The following KIF13B variants were observed in gnomAD, a reference collection of about 807,000 sequenced individuals.
KIF13B encodes the protein kinesin family member 13B.
In KIF13B, 127 loss-of-function variants were observed where a neutral mutation model predicts 222.0. The observed-to-expected ratio is 0.57, with a 90% CI of 0.50 to 0.66. The LOEUF (loss-of-function observed/expected upper bound fraction) is 0.66. Among genes scored for constraint, KIF13B ranks in the 30% least tolerant of loss-of-function variants. The probability of loss-of-function intolerance (pLI) is 0.00; values close to 1 mark genes in which losing one functional copy is unlikely to be tolerated. For synonymous variants in KIF13B, 976 were observed against 919.0 expected (o/e 1.06, Z -1.12); for missense variants, 2,173 against 2,379.0 (o/e 0.91, Z 1.80).
At chr8:29,109,830 G>C (rs1437131612) in intron 33 of KIF13B, 88 bp downstream of exon 33, 7 of 1,282,530 alleles carry the variant, frequency 5.5e-6, no homozygotes, top group Admixed American at 2.2e-5. Context: ...AATGTTAGGT[G>C]CAACAACACT....
intron 3 of KIF13B, 26 bp from the exon 4 acceptor site, chr8:29,191,083 G>A (rs574172541): frequency 1.3e-6 from 2 of 1,570,070 alleles, no homozygotes; most frequent in East Asian, 4.5e-5. Context: ...ATAAGTGTGT[G>A]TTAAGAAAAC....
intron 2 of KIF13B, among the ~76,000 whole-genome samples, chr8:29,213,208 G>T (rs1263460478): frequency 6.6e-6 from 1 of 152,168 alleles, no homozygotes; most frequent in African/African-American, 2.4e-5. Context: ...GCATCGTGGG[G>T]TGTGATGGAA....
At chr8:29,223,950 C>G (rs1814890121) in intron 2 of KIF13B, among the ~76,000 whole-genome samples, 1 of 151,818 alleles carries the variant, frequency 6.6e-6, no homozygotes, top group South Asian at 2.1e-4. Context: ...CTCAGCCTCC[C>G]AAAGTGTTGG....
rs1224083379 is a variant in KIF13B at position 29,146,501 on chromosome 8, T to A, written c.2064A>T (p.Glu688Asp). ...TLNNSLMRLREQIVKANLLVR... is the reference protein window; with the variant it reads ...TLNNSLMRLRDQIVKANLLVR... ...CCAATAGATTGGCCTTAACAATTTG[T>A]TCCCTCAGCCTCATCAGGCTGTTAT... The change falls in exon 18 of 40, where the codon GAA (glutamate) becomes GAT (aspartate). Residue 688 changes from glutamate (E) to aspartate (D), a missense_variant. By Grantham distance (45) the Glu-to-Asp change is conservative (BLOSUM62 2). This residue lies in a region of KIF13B where 1,480 missense variants were observed against 1,722.8 expected (regional missense o/e 0.86). Coordinates refer to ENST00000524189, the MANE Select transcript of KIF13B (RefSeq NM_015254.4). 19 of 1,613,942 alleles carry A rather than the reference T, an allele frequency of 1.2e-5. No homozygotes were observed. The highest frequency in any genetic ancestry group is 1.6e-5 in the Non-Finnish European group (19 of 1,179,838).
At chr8:29,121,100 G>A (rs532989385) in intron 29 of KIF13B, among the ~76,000 whole-genome samples, 1 of 151,612 alleles carries the variant, frequency 6.6e-6, no homozygotes, top group Non-Finnish European at 1.5e-5. Context: ...AGATGAGTAG[G>A]TTGCGAAATC....
rs1047295261 is a variant in KIF13B, at chr8:29,071,457, A to T, written c.5218+163T>A. 6.6e-6 allele frequency among the ~76,000 whole-genome samples: 1 copy of T among 152,024 alleles called. No homozygotes were observed. The highest frequency in any genetic ancestry group is 1.5e-5 in the Non-Finnish European group (1 of 67,994). On this transcript the variant is annotated intron_variant, in intron 39 of 39. Coordinates refer to ENST00000524189, the MANE Select transcript of KIF13B (RefSeq NM_015254.4). This position sits in a 1 kb window ranked among gnomAD's most constrained non-coding sequence, Gnocchi z 4.9. Reference sequence around the variant, plus strand: ...GTCTCCAGGGACTAGCCCTGCCCCCAGCCTCACCCCTGCAGGCCCAGCCGC... The same window carrying T: ...GTCTCCAGGGACTAGCCCTGCCCCCTGCCTCACCCCTGCAGGCCCAGCCGC...
rs1294582208 is a variant in KIF13B at position 29,146,552 on chromosome 8, T to A, written c.2025-12A>T. Reference sequence around the variant, plus strand: ...TCAACGTTGCTTCTCTAAAAAAAAATAAAGAAGCGGCAGAGGTAGGGAAGA... The same window carrying A: ...TCAACGTTGCTTCTCTAAAAAAAAAAAAAGAAGCGGCAGAGGTAGGGAAGA... On this transcript the variant is annotated splice_polypyrimidine_tract_variant and intron_variant, in intron 17 of 39. Transcript: ENST00000524189. 2 of 1,608,200 alleles carry A rather than the reference T, an allele frequency of 1.2e-6. No homozygotes were observed. The highest frequency in any genetic ancestry group is 8.5e-7 in the Non-Finnish European group (1 of 1,177,392).
At chr8:29,101,343 A>G (rs1808776642) in intron 35 of KIF13B, among the ~76,000 whole-genome samples, 1 of 152,086 alleles carries the variant, frequency 6.6e-6, no homozygotes, top group South Asian at 2.1e-4. Flanking sequence ...ATTTGAGAGT[A>G]TTGTTTCATA....
chr8:29,071,622 G>C lies in KIF13B; in HGVS notation c.5216C>G (p.Ser1739Ter). ...AGCCCGGAGTGCCCGGTACCCACCT[G>C]AGGGCAGGTCGAGCTCCACGCCGAC... Reference protein sequence around the residue: ...TWVGVELDLPSGKNDGSIGGK... With the variant: ...TWVGVELDLP Residue 1739 changes from serine (S) to a stop codon, truncating the protein, a stop_gained and splice_region_variant, in exon 39 of 40, where the codon TCA becomes TGA. Transcript: ENST00000524189. LOFTEE classifies it high-confidence loss of function. The surrounding 1 kb of genome is among the most constrained non-coding windows in gnomAD (Gnocchi z 4.9). 2 of 1,550,878 alleles carry C rather than the reference G, an allele frequency of 1.3e-6. No individual in the cohort carries two copies. Among genetic ancestry groups the C allele is most frequent in the East Asian group, 2.4e-5 (1 of 40,980 alleles).
chr8:29,092,610 C>A, intron 37 of KIF13B, 135 bp downstream of exon 37: 1 of 839,244 alleles, frequency 1.2e-6, no homozygotes, highest in Non-Finnish European at 1.8e-6. Context: ...GAGAAAAGAC[C>A]GACAGCTGTT....
At chr8:29,078,137 A>AAAAAAAT in intron 37 of KIF13B, among the ~76,000 whole-genome samples, 1 of 149,700 alleles carries the variant, frequency 6.7e-6, no homozygotes, top group African/African-American at 2.5e-5. Context: ...CAAAAAAAAA[A>AAAAAAAT]AAAAAAAATT....
At chr8:29,075,929 G>C (rs1379259764) in intron 37 of KIF13B, among the ~76,000 whole-genome samples, 4 of 152,194 alleles carry the variant, frequency 2.6e-5, no homozygotes, top group Admixed American at 2.6e-4. Context: ...TGTCCGGGTG[G>C]GGACACAACA....
chr8:29,248,085 T>C (rs1242684031), intron 1 of KIF13B, among the ~76,000 whole-genome samples: 1 of 152,156 alleles, frequency 6.6e-6, no homozygotes, highest in East Asian at 1.9e-4. Flanking sequence ...AGAACCCTCA[T>C]ACATTACTGG....
At chr8:29,189,892 T>A (rs1039870560) in intron 4 of KIF13B, 2 of 152,252 alleles carry the variant, frequency 1.3e-5, no homozygotes, top group Non-Finnish European at 2.9e-5. Context: ...ATACCAAGAA[T>A]GGCACACAGT....
chr8:29,192,246 C>A (rs1813223018), intron 3 of KIF13B, among the ~76,000 whole-genome samples: 2 of 152,202 alleles, frequency 1.3e-5, no homozygotes, highest in South Asian at 4.1e-4. Context: ...TCAGTTTTCA[C>A]ATGGTGAGCC....
intron 37 of KIF13B, 124 bp downstream of exon 37, chr8:29,092,621 T>C: frequency 2.1e-6 from 2 of 974,724 alleles, no homozygotes; most frequent in Non-Finnish European, 1.5e-6. Context: ...GACAGCTGTT[T>C]CTGGGTTTAA....
chr8:29,118,867 C>G lies in KIF13B; in HGVS notation c.3660+1G>C. 1 of 1,613,626 alleles carries G rather than the reference C, an allele frequency of 6.2e-7. No individual in the cohort carries two copies. The highest frequency in any genetic ancestry group is 2.2e-5 in the East Asian group (1 of 44,872). ...ACCATCCCAAGTTAGGCTTTCCTTA[C>G]CTCCCCATCATGCTGCTTCACAATC... On this transcript the variant is annotated splice_donor_variant, in intron 30 of 39. Coordinates refer to ENST00000524189, the MANE Select transcript of KIF13B (RefSeq NM_015254.4). LOFTEE classifies it high-confidence loss of function.
intron 35 of KIF13B, among the ~76,000 whole-genome samples, chr8:29,104,821 G>A (rs1808973741): frequency 6.6e-6 from 1 of 151,908 alleles, no homozygotes; most frequent in East Asian, 1.9e-4. Context: ...TCGGCTCACT[G>A]CAGGCTCCGC....
chr8:29,184,013 C>A (rs960752005), intron 6 of KIF13B, among the ~76,000 whole-genome samples: 2 of 151,990 alleles, frequency 1.3e-5, no homozygotes, highest in Non-Finnish European at 2.9e-5. Context: ...ATCTATAGTA[C>A]CCTAGGATCA....
Sources: gnomAD v4.1 joint callset for allele counts (sites outside exome capture counted in the v4.1 genomes callset) on GRCh38, gnomAD v4.1.1 for gene constraint, gnomAD v4.1.1 regional missense constraint, Gnocchi (gnomAD v3.1) non-coding constraint, MANE v1.5 for transcripts, NCBI Gene and HGNC (gene_info 2026-07-23, HGNC 2026-07-21) for gene names.